ATRNL1: variants seen among roughly 807,000 people sequenced by gnomAD.
ATRNL1 encodes the protein attractin-like protein 1.
In ATRNL1, 95 loss-of-function variants were observed where a neutral mutation model predicts 182.7. The ratio of observed to expected loss-of-function variants is 0.52; its 90% CI spans 0.44 to 0.62. ATRNL1 has a LOEUF of 0.62. Among genes scored for constraint, ATRNL1 ranks in the 20% least tolerant of loss-of-function variants. The pLI is 0.00. For synonymous variants in ATRNL1, 576 were observed against 568.3 expected, an observed-to-expected ratio of 1.01 and a Z score of -0.19; for missense variants, 1,471 against 1,679.5, an observed-to-expected ratio of 0.88 and a Z score of 2.17.
rs868976683 is a variant in ATRNL1, at chr10:115,532,563, G to A, written c.3716+13239G>A. On this transcript the variant is annotated intron_variant, in intron 25 of 28. Transcript: ENST00000355044. ...GGTTTTCTAGATATACAATCATGTCGTCTGCAAACAGGGACAATTTGACTT... is the reference window on the plus strand; with the variant it reads ...GGTTTTCTAGATATACAATCATGTCATCTGCAAACAGGGACAATTTGACTT... 1.3e-3 allele frequency among the ~76,000 whole-genome samples: 204 copies of A among 151,654 alleles called. 2 individuals carry two copies. Among genetic ancestry groups the A allele is most frequent in the Non-Finnish European group, 1.8e-3 (120 of 67,842 alleles).
chr10:115,904,876 A>G lies in ATRNL1; in HGVS notation c.4019-39782A>G, dbSNP rs544905141. 2.1e-4 allele frequency among the ~76,000 whole-genome samples: 32 copies of G among 152,252 alleles called. 1 individual carries two copies. In the South Asian group the frequency reaches 6.6e-3, roughly 32 times the overall value. On this transcript the variant is annotated intron_variant, in intron 28 of 28. Coordinates refer to ENST00000355044, the MANE Select transcript of ATRNL1 (RefSeq NM_207303.4). Reference sequence around the variant, plus strand: ...AGCTAAATTTTAAAAATATATATCCACAGTTTATTCTCTCCAATTTTTGAT... The same window carrying G: ...AGCTAAATTTTAAAAATATATATCCGCAGTTTATTCTCTCCAATTTTTGAT...
intron 26 of ATRNL1, among the ~76,000 whole-genome samples, chr10:115,614,150 G>A (rs1274923740): frequency 6.6e-6 from 1 of 151,834 alleles, no homozygotes; most frequent in Non-Finnish European, 1.5e-5. Flanking sequence ...CTTTTATGAT[G>A]TAGGTTTCTA....
At chr10:115,920,358 C>G (rs782354274) in intron 28 of ATRNL1, among the ~76,000 whole-genome samples, 2 of 152,202 alleles carry the variant, frequency 1.3e-5, no homozygotes, top group Admixed American at 1.3e-4. Context: ...GTCATCATTG[C>G]TGCTACTCAT....
rs879953125 is a variant in ATRNL1, at chr10:115,713,696, TC to T, written c.3796-13551del. Among the ~76,000 whole-genome samples, 74 of 114,390 alleles carry T rather than the reference TC, an allele frequency of 6.5e-4. 1 individual carries two copies. The highest frequency in any genetic ancestry group is 3.5e-3 in the Admixed American group (38 of 10,724). The allele number at this position is 114,390 out of a possible 152,430, so 75.0% of individuals were successfully genotyped here. A position where few individuals can be genotyped will look rare whatever the true frequency, so the allele number is the denominator to read the frequency against. On this transcript the variant is annotated intron_variant, in intron 26 of 28. Coordinates refer to ENST00000355044, the MANE Select transcript of ATRNL1 (RefSeq NM_207303.4). ...TGTTTTCTATCTATCTATCTATCTA[TC>T]TATCTATCATCTATCTATCTATCTA...
At chr10:115,361,889 C>T (rs1856767061) in intron 19 of ATRNL1, among the ~76,000 whole-genome samples, 1 of 152,046 alleles carries the variant, frequency 6.6e-6, no homozygotes. Context: ...TGTTCACGTA[C>T]TGGAGCACTG....
intron 10 of ATRNL1, among the ~76,000 whole-genome samples, chr10:115,253,222 C>T (rs1479800833): frequency 2.6e-5 from 4 of 152,114 alleles, no homozygotes; most frequent in Non-Finnish European, 5.9e-5. Flanking sequence ...TTGTGATGCT[C>T]GATGGATAAC....
intron 26 of ATRNL1, among the ~76,000 whole-genome samples, chr10:115,651,524 G>A (rs1328440511): frequency 6.6e-6 from 1 of 152,028 alleles, no homozygotes; most frequent in African/African-American, 2.4e-5. Context: ...ATTTAATCAC[G>A]ATGTATCTAT....
rs1953896961 is a variant in ATRNL1, at chr10:115,947,285, T to C, written c.*2506T>C. The C allele has an allele frequency of 6.6e-6, 1 of 152,618 alleles. No homozygotes were observed. The highest frequency in any genetic ancestry group is 2.4e-5 in the African/African-American group (1 of 41,440). The allele number at this position is 152,618 out of a possible 1,614,324, so 9.5% of individuals were successfully genotyped here. ...TTTTTTAAATCAAACCACACAAATA[T>C]GCAGATACTTTCCCAGAATTTCGCA... is the stretch of plus-strand genomic sequence containing the variant. On this transcript the variant is annotated 3_prime_UTR_variant, in exon 29 of 29. Transcript: ENST00000355044.
intron 15 of ATRNL1, among the ~76,000 whole-genome samples, chr10:115,290,994 A>T (rs1474522085): frequency 6.6e-6 from 1 of 152,202 alleles, no homozygotes; most frequent in African/African-American, 2.4e-5. Flanking sequence ...CTCCACGTTG[A>T]ACATGCCTGG....
intron 26 of ATRNL1, among the ~76,000 whole-genome samples, chr10:115,655,051 G>T (rs782711158): frequency 2.0e-5 from 3 of 152,148 alleles, no homozygotes; most frequent in Non-Finnish European, 2.9e-5. Context: ...GAGAAAGATG[G>T]AGAGAGACCA....
intron 17 of ATRNL1, among the ~76,000 whole-genome samples, chr10:115,305,016 A>G (rs1853657177): frequency 6.6e-6 from 1 of 151,462 alleles, no homozygotes; most frequent in Non-Finnish European, 1.5e-5. Context: ...AACTTCTATC[A>G]CAGTAACTTC....
At chr10:115,394,894 G>A (rs1844210065) in intron 20 of ATRNL1, 142 bp downstream of exon 20, 1 of 649,234 alleles carries the variant, frequency 1.5e-6, no homozygotes, top group Non-Finnish European at 2.6e-6. Context: ...TAGATTTGAG[G>A]GTACATGTGC....
intron 28 of ATRNL1, among the ~76,000 whole-genome samples, chr10:115,874,468 C>G (rs542239322): frequency 6.6e-6 from 1 of 152,202 alleles, no homozygotes; most frequent in East Asian, 1.9e-4. Flanking sequence ...GTTTGTTTCT[C>G]AAGTACTAAG....
At position 115,759,832 on chromosome 10, in the gene ATRNL1, C is replaced by T. The variant is rs571713132; in HGVS notation, c.3903+32477C>T. Among the ~76,000 whole-genome samples, 56 of 138,068 alleles carry T rather than the reference C, an allele frequency of 4.1e-4. 1 individual carries two copies. The highest frequency in any genetic ancestry group is 6.4e-4 in the Non-Finnish European group (42 of 65,350). The allele number at this position is 138,068 out of a possible 152,430, so 90.6% of individuals were successfully genotyped here. On this transcript the variant is annotated intron_variant, in intron 27 of 28. Transcript: ENST00000355044. ...CTGGGATTACAGGTGTGCACCACCA[C>T]ACCTGGCTATTTTTTTTTTTTTTTT...
chr10:115,903,390 A>G (rs1446069460), intron 28 of ATRNL1, among the ~76,000 whole-genome samples: 3 of 152,036 alleles, frequency 2.0e-5, no homozygotes, highest in Non-Finnish European at 4.4e-5. Context: ...GGAGCATTAT[A>G]TTTTGCCTCC....
intron 19 of ATRNL1, among the ~76,000 whole-genome samples, chr10:115,373,785 A>AT (rs200540940): frequency 6.6e-6 from 1 of 150,920 alleles, no homozygotes; most frequent in Non-Finnish European, 1.5e-5. Flanking sequence ...TATTTTGTTG[A>AT]TTTTTTTCAT....
intron 26 of ATRNL1, among the ~76,000 whole-genome samples, chr10:115,620,466 A>T (rs1433843606): frequency 1.3e-5 from 2 of 152,216 alleles, no homozygotes; most frequent in Non-Finnish European, 2.9e-5. Flanking sequence ...TAAGCTGCTT[A>T]TATAATTTTA....
At chr10:115,910,816 T>C (rs1952652200) in intron 28 of ATRNL1, among the ~76,000 whole-genome samples, 2 of 152,202 alleles carry the variant, frequency 1.3e-5, no homozygotes, top group South Asian at 4.1e-4. Flanking sequence ...AGAAAAATCC[T>C]AACTTCTCAT....
intron 21 of ATRNL1, among the ~76,000 whole-genome samples, chr10:115,450,410 A>G (rs1847224363): frequency 6.6e-6 from 1 of 152,190 alleles, no homozygotes; most frequent in East Asian, 1.9e-4. Context: ...AGGCTCCTTC[A>G]ACTTTTAAAC....
Sources: allele counts gnomAD v4.1 joint callset (sites outside exome capture counted in the v4.1 genomes callset), GRCh38; gene constraint gnomAD v4.1.1; transcripts MANE v1.5; gene names NCBI Gene and HGNC (gene_info 2026-07-23, HGNC 2026-07-21).